Variants in ARL13B observed in about 807,000 individuals in gnomAD.
ARL13B encodes ARF like GTPase 13B.
Under a neutral mutation model 56.1 loss-of-function variants are expected in ARL13B, and 36 were observed. The ratio of observed to expected loss-of-function variants is 0.64; its 90% CI spans 0.49 to 0.85. The LOEUF is 0.85. ARL13B is among the 40% of genes least tolerant of loss of function. The pLI is 0.00. For synonymous variants in ARL13B, 178 were observed against 171.1 expected (o/e 1.04, Z -0.32); for missense variants, 519 against 507.1 (o/e 1.02, Z -0.23).
intron 5 of ARL13B, among the ~76,000 whole-genome samples, chr3:94,037,336 T>A (rs1419369058): frequency 6.6e-6 from 1 of 152,176 alleles, no homozygotes; most frequent in African/African-American, 2.4e-5. Flanking sequence ...CATCTGGCCT[T>A]TTATGTAGTT....
intron 2 of ARL13B, among the ~76,000 whole-genome samples, chr3:93,998,332 C>T (rs964219602): frequency 1.3e-5 from 2 of 152,254 alleles, no homozygotes; most frequent in African/African-American, 4.8e-5. Context: ...TCTTTCCTTT[C>T]TTTCTCTTAT....
At chr3:94,042,931 G>T (rs899576674) in intron 6 of ARL13B, 84 bp from the exon 7 acceptor site, 4 of 1,110,568 alleles carry the variant, frequency 3.6e-6, no homozygotes, top group Non-Finnish European at 3.9e-6. Flanking sequence ...ACAGAATCCT[G>T]TTAAGGTATT....
intron 3 of ARL13B, among the ~76,000 whole-genome samples, chr3:94,030,811 C>A: frequency 1.3e-5 from 2 of 152,062 alleles, no homozygotes; most frequent in Non-Finnish European, 2.9e-5. Flanking sequence ...GTTAAAATTC[C>A]TATATATAGT....
chr3:94,009,372 C>G (rs1257228202), intron 3 of ARL13B, among the ~76,000 whole-genome samples: 1 of 151,730 alleles, frequency 6.6e-6, no homozygotes, highest in Non-Finnish European at 1.5e-5. Flanking sequence ...GACTCACCTT[C>G]CTTCTAGGCA....
At chr3:94,014,719 T>C (rs1443888222) in intron 3 of ARL13B, 25 of 1,612,540 alleles carry the variant, frequency 1.6e-5, no homozygotes, top group Non-Finnish European at 1.9e-5. Context: ...ATGAAGCATA[T>C]CATTTACATC....
Position 94,054,860 on chromosome 3 carries a change from T to C in ARL13B, c.*1597T>C. 1 of 342,038 alleles carries C rather than the reference T, an allele frequency of 2.9e-6. No individual in the cohort carries two copies. The highest frequency in any genetic ancestry group is 5.8e-6 in the Non-Finnish European group (1 of 173,254). The allele number at this position is 342,038 out of a possible 1,614,324, so 21.2% of individuals were successfully genotyped here. ...GTGGCTGAAATGTGATGAAAAGCAA[T>C]ACGAAAAGACAATGTAAACTTTGAA... On this transcript the variant is annotated 3_prime_UTR_variant, in exon 10 of 10. Coordinates refer to ENST00000394222, the MANE Select transcript of ARL13B (RefSeq NM_001174150.2).
At chr3:94,019,196 T>C (rs1002589509) in intron 3 of ARL13B, among the ~76,000 whole-genome samples, 1 of 152,024 alleles carries the variant, frequency 6.6e-6, no homozygotes, top group African/African-American at 2.4e-5. Context: ...CCTGTTATTT[T>C]TGTTAATTTT....
At chr3:93,999,486 G>C (rs932626867) in intron 2 of ARL13B, among the ~76,000 whole-genome samples, 1 of 151,964 alleles carries the variant, frequency 6.6e-6, no homozygotes, top group Non-Finnish European at 1.5e-5. Context: ...ATATTACGAG[G>C]TACATGAGAT....
chr3:94,043,244 A>T lies in ARL13B; in HGVS notation c.1024+4A>T, dbSNP rs2076895330. 1.2e-6 allele frequency: 2 copies of T among 1,608,588 alleles called. No individual in the cohort carries two copies. Among genetic ancestry groups the T allele is most frequent in the Non-Finnish European group, 1.7e-6 (2 of 1,175,914 alleles). On this transcript the variant is annotated splice_donor_region_variant and intron_variant, in intron 7 of 9. Transcript: ENST00000394222. ...GACCGGCCATCATTGGAATCAGGTA[A>T]TAAATCTAGTTATTTAAAGTAATTA...
intron 3 of ARL13B, among the ~76,000 whole-genome samples, chr3:94,011,087 T>C (rs1040717091): frequency 6.6e-6 from 1 of 152,128 alleles, no homozygotes; most frequent in Non-Finnish European, 1.5e-5. Context: ...ATTGACACCA[T>C]AGAAAGCTCT....
At chr3:94,012,873 A>G (rs932477717) in intron 3 of ARL13B, among the ~76,000 whole-genome samples, 40 of 152,158 alleles carry the variant, frequency 2.6e-4, no homozygotes, top group Admixed American at 1.3e-3. Flanking sequence ...CCCATTCTTC[A>G]TATGGTAGAT....
At chr3:93,992,023 A>G (rs544775992) in intron 1 of ARL13B, among the ~76,000 whole-genome samples, 2 of 152,354 alleles carry the variant, frequency 1.3e-5, no homozygotes, top group East Asian at 3.9e-4. Context: ...CAACACTATT[A>G]TAATTCTCTA....
chr3:94,006,999 A>G (rs1270185554), intron 3 of ARL13B, among the ~76,000 whole-genome samples: 1 of 152,142 alleles, frequency 6.6e-6, no homozygotes, highest in Non-Finnish European at 1.5e-5. Context: ...TTTGTTGCAC[A>G]CAGCTTCCTC....
intron 6 of ARL13B, among the ~76,000 whole-genome samples, chr3:94,041,795 C>G (rs981774318): frequency 3.9e-5 from 6 of 152,214 alleles, no homozygotes; most frequent in African/African-American, 1.4e-4. Context: ...CAATAAGTGG[C>G]CAGGCACGGT....
At chr3:94,002,109 C>A (rs568327762) in intron 2 of ARL13B, among the ~76,000 whole-genome samples, 115 of 152,212 alleles carry the variant, frequency 7.6e-4, no homozygotes, top group African/African-American at 2.7e-3. Flanking sequence ...TCAAATTAAT[C>A]TTTGTAATAG....
chr3:94,014,530 A>T, intron 3 of ARL13B: 1 of 1,612,846 alleles, frequency 6.2e-7, no homozygotes, highest in Non-Finnish European at 8.5e-7. Context: ...AATATTGTTG[A>T]TGCTCTCTCC....
At chr3:94,049,807 G>A (rs2077041693) in intron 8 of ARL13B, among the ~76,000 whole-genome samples, 1 of 152,012 alleles carries the variant, frequency 6.6e-6, no homozygotes, top group East Asian at 1.9e-4. Context: ...TGAAATATCA[G>A]TACCCACATG....
chr3:94,050,801 T>C (rs745347058), intron 8 of ARL13B, 23 bp from the exon 9 acceptor site: 4 of 1,605,532 alleles, frequency 2.5e-6, no homozygotes. Flanking sequence ...CAGTGTTTTT[T>C]AAATGTTTTT....
chr3:94,030,800 T>G (rs1364138909), intron 3 of ARL13B, among the ~76,000 whole-genome samples: 7 of 152,232 alleles, frequency 4.6e-5, no homozygotes, highest in Non-Finnish European at 7.3e-5. Flanking sequence ...GATATTATTA[T>G]GTTAAAATTC....
Sources: gnomAD v4.1 joint callset for allele counts (sites outside exome capture counted in the v4.1 genomes callset) on GRCh38, gnomAD v4.1.1 for gene constraint, MANE v1.5 for transcripts, NCBI Gene and HGNC (gene_info 2026-07-23, HGNC 2026-07-21) for gene names.